The following SYBU variants were observed in gnomAD, a reference collection of about 807,000 sequenced individuals.
SYBU encodes syntabulin.
A neutral mutation model predicts 35.9 loss-of-function variants in SYBU; 21 were observed. The observed-to-expected ratio is 0.58, with a 90% CI of 0.41 to 0.84. SYBU has a LOEUF of 0.84. Ranked by LOEUF, SYBU falls within the 40% of genes least tolerant of loss-of-function variation. SYBU has a pLI of 0.00. For synonymous variants in SYBU, 319 were observed against 324.3 expected (o/e 0.98, Z 0.18); for missense variants, 768 against 848.2 (o/e 0.91, Z 1.17).
chr8:109,666,785 G>C (rs28692984), intron 1 of SYBU, among the ~76,000 whole-genome samples: 1,737 of 152,172 alleles, frequency 0.011, 11 homozygotes, highest in Middle Eastern at 0.051. Context: ...TAAAATTATA[G>C]TAAGAGCTTT....
At chr8:109,594,809 T>C (rs775684547) in intron 3 of SYBU, among the ~76,000 whole-genome samples, 13 of 152,206 alleles carry the variant, frequency 8.5e-5, no homozygotes, top group African/African-American at 1.2e-4. Flanking sequence ...CCCCTTCCAA[T>C]ATCTTGACAT....
chr8:109,614,967 C>T (rs1343274138), intron 3 of SYBU, among the ~76,000 whole-genome samples: 1 of 152,222 alleles, frequency 6.6e-6, no homozygotes, highest in Non-Finnish European at 1.5e-5. Flanking sequence ...GCTTGCTCGG[C>T]TCACCTTTCC....
intron 1 of SYBU, among the ~76,000 whole-genome samples, chr8:109,676,068 G>T (rs1417980452): frequency 6.6e-6 from 1 of 152,098 alleles, no homozygotes; most frequent in African/African-American, 2.4e-5. Flanking sequence ...ATGCAGAAAA[G>T]GCCTTCGATA....
chr8:109,644,970 A>G, upstream of SYBU: 1 of 495,954 alleles, frequency 2.0e-6, no homozygotes, highest in Admixed American at 3.2e-5. Flanking sequence ...CACCCGCCCG[A>G]TTTCCCCACG....
chr8:109,663,127 T>C (rs1286053297), intron 1 of SYBU, among the ~76,000 whole-genome samples: 1 of 152,146 alleles, frequency 6.6e-6, no homozygotes. Flanking sequence ...TTTAGTTTAA[T>C]GCCATTGTCA....
intron 3 of SYBU, among the ~76,000 whole-genome samples, chr8:109,595,508 G>A (rs568099638): frequency 1.3e-5 from 2 of 152,292 alleles, no homozygotes; most frequent in South Asian, 2.1e-4. Context: ...GCTAGCACAC[G>A]TGGGCTGAGA....
intron 3 of SYBU, among the ~76,000 whole-genome samples, chr8:109,606,209 G>T (rs956406045): frequency 6.6e-6 from 1 of 152,110 alleles, no homozygotes; most frequent in East Asian, 1.9e-4. Context: ...TTGATAGGCT[G>T]AATCAAATTG....
At chr8:109,689,524 G>T (rs970268288) in intron 1 of SYBU, among the ~76,000 whole-genome samples, 1 of 151,988 alleles carries the variant, frequency 6.6e-6, no homozygotes, top group Admixed American at 6.6e-5. Context: ...TGGAGATGGG[G>T]TCCCACCATG....
intron 3 of SYBU, 84 bp from the exon 4 acceptor site, chr8:109,586,246 G>A (rs1823608989): frequency 2.0e-6 from 2 of 998,678 alleles, no homozygotes; most frequent in Non-Finnish European, 1.5e-6. Flanking sequence ...CCAGGTCCCT[G>A]CTCCCTGCGT....
intron 3 of SYBU, among the ~76,000 whole-genome samples, chr8:109,594,502 A>T (rs1554613974): frequency 2.0e-5 from 3 of 151,904 alleles, no homozygotes; most frequent in Non-Finnish European, 2.9e-5. Context: ...CCCTAAAATA[A>T]TTTTTTTTAA....
chr8:109,665,801 CA>C (rs1302456592), intron 1 of SYBU, among the ~76,000 whole-genome samples: 1 of 152,222 alleles, frequency 6.6e-6, no homozygotes, highest in Non-Finnish European at 1.5e-5. Flanking sequence ...CACACTTCAT[CA>C]CATTTCTAAA....
Position 109,644,626 on chromosome 8 carries a change from C to T in SYBU, c.24+10G>A. The T allele has an allele frequency of 1.9e-6, 3 of 1,541,850 alleles. No homozygotes were observed. The highest frequency in any genetic ancestry group is 2.6e-6 in the Non-Finnish European group (3 of 1,150,580). The stretch of plus-strand genomic sequence containing the variant: ...GCCCTCCAGTGCCCGCACTGCCCCG[C>T]GCTCCTTACCTTGCTCTCGCGGAGG... On this transcript the variant is annotated intron_variant, in intron 1 of 6. Coordinates refer to ENST00000276646, the MANE Select transcript of SYBU (RefSeq NM_001099754.2).
intron 3 of SYBU, among the ~76,000 whole-genome samples, chr8:109,617,005 G>A (rs113632770): frequency 0.017 from 2,533 of 152,108 alleles, 77 homozygotes; most frequent in African/African-American, 0.056. Context: ...GCATGGTGGC[G>A]CTTGCCTGTA....
At chr8:109,673,052 T>C (rs1353398139) in intron 1 of SYBU, among the ~76,000 whole-genome samples, 3 of 152,146 alleles carry the variant, frequency 2.0e-5, no homozygotes, top group Non-Finnish European at 4.4e-5. Flanking sequence ...ATATATAAAA[T>C]GCCCAACTCT....
chr8:109,663,258 C>CATATAGATAGATAGAT (rs1282405275), intron 1 of SYBU, among the ~76,000 whole-genome samples: 1 of 149,028 alleles, frequency 6.7e-6, no homozygotes, highest in African/African-American at 2.5e-5. Context: ...AAAATACATA[C>CATATAGATAGATAGAT]AGATAGATAG....
chr8:109,688,826 G>A (rs1376314206), intron 1 of SYBU, among the ~76,000 whole-genome samples: 1 of 150,150 alleles, frequency 6.7e-6, no homozygotes, highest in African/African-American at 2.5e-5. Flanking sequence ...TTTCACACAA[G>A]TACTATTTAA....
chr8:109,576,129 T>G, intron 6 of SYBU, 116 bp from the exon 7 acceptor site: 2 of 1,246,152 alleles, frequency 1.6e-6, no homozygotes, highest in Non-Finnish European at 2.1e-6. Context: ...GAGCTCATAC[T>G]CTTCCACTTG....
chr8:109,628,075 T>C (rs1364563287), intron 2 of SYBU, among the ~76,000 whole-genome samples: 3 of 152,238 alleles, frequency 2.0e-5, no homozygotes, highest in Non-Finnish European at 2.9e-5. Flanking sequence ...CAAATAATTA[T>C]TGATTTCCTA....
chr8:109,618,441 C>T (rs539102339), intron 3 of SYBU, among the ~76,000 whole-genome samples: 4 of 152,334 alleles, frequency 2.6e-5, no homozygotes, highest in African/African-American at 9.6e-5. Flanking sequence ...TAACTCCCAG[C>T]TCTACAGAGA....
Sources: allele counts gnomAD v4.1 joint callset (sites outside exome capture counted in the v4.1 genomes callset), GRCh38; gene constraint gnomAD v4.1.1; transcripts MANE v1.5; gene names NCBI Gene and HGNC (gene_info 2026-07-23, HGNC 2026-07-21).